The following KHDRBS2 variants were observed in gnomAD, a reference collection of about 807,000 sequenced individuals.
The protein encoded by KHDRBS2 is KH RNA binding domain containing, signal transduction associated 2.
Under a neutral mutation model 44.3 loss-of-function variants are expected in KHDRBS2, and 26 were observed. The observed-to-expected ratio is 0.59, with a 90% confidence interval of 0.43 to 0.81. The LOEUF (loss-of-function observed/expected upper bound fraction) is 0.81, where lower values mean the gene tolerates loss of function less well. KHDRBS2 is among the 40% of genes least tolerant of loss of function. KHDRBS2 has a pLI of 0.00. For synonymous variants in KHDRBS2, 194 were observed against 151.1 expected, an observed-to-expected ratio of 1.28 and a Z score of -2.08; for missense variants, 476 against 433.1, an observed-to-expected ratio of 1.10 and a Z score of -0.88.
intron 6 of KHDRBS2, among the ~76,000 whole-genome samples, chr6:61,847,908 A>AT (rs35517279): frequency 6.6e-6 from 1 of 151,820 alleles, no homozygotes; most frequent in Non-Finnish European, 1.5e-5. Context: ...CTTTAAAATG[A>AT]TTTTTTCTGC....
chr6:62,233,687 T>C (rs915861840), intron 1 of KHDRBS2, among the ~76,000 whole-genome samples: 9 of 152,108 alleles, frequency 5.9e-5, no homozygotes, highest in Non-Finnish European at 1.0e-4. Flanking sequence ...CCCCTCTATG[T>C]GTTCATGTGT....
At chr6:62,072,544 T>G (rs1040585685) in intron 2 of KHDRBS2, among the ~76,000 whole-genome samples, 4 of 152,080 alleles carry the variant, frequency 2.6e-5, no homozygotes, top group African/African-American at 9.7e-5. Context: ...AGAGTTTTTA[T>G]CATGAAGGGT....
intron 6 of KHDRBS2, among the ~76,000 whole-genome samples, chr6:61,752,547 G>GCTT (rs1266926173): frequency 1.3e-5 from 2 of 151,504 alleles, no homozygotes; most frequent in Non-Finnish European, 2.9e-5. Flanking sequence ...CATTCCATTA[G>GCTT]CTTCTTCTAG....
chr6:61,869,757 T>G (rs1171221675), intron 6 of KHDRBS2, among the ~76,000 whole-genome samples: 16 of 152,038 alleles, frequency 1.1e-4, no homozygotes, highest in Non-Finnish European at 2.2e-4. Context: ...CATAAGGGAT[T>G]GGGGAATTCT....
At chr6:62,188,323 G>A (rs1823869147) in intron 1 of KHDRBS2, among the ~76,000 whole-genome samples, 1 of 152,034 alleles carries the variant, frequency 6.6e-6, no homozygotes, top group Non-Finnish European at 1.5e-5. Context: ...CCTTGCTCCA[G>A]CCCCTGGTAA....
intron 1 of KHDRBS2, among the ~76,000 whole-genome samples, chr6:62,205,124 G>A (rs1454190102): frequency 6.6e-6 from 1 of 152,054 alleles, no homozygotes; most frequent in East Asian, 1.9e-4. Context: ...GCCACTGCAT[G>A]GTCAGGAATC....
intron 6 of KHDRBS2, among the ~76,000 whole-genome samples, chr6:61,739,677 AC>A (rs1775875077): frequency 6.6e-6 from 1 of 151,900 alleles, no homozygotes; most frequent in South Asian, 2.1e-4. Context: ...ATAAAACAAA[AC>A]GTCAAGTCCT....
Position 62,238,687 on chromosome 6 carries a change from TACACACAC to T in KHDRBS2, c.91+47163_91+47170del, listed in dbSNP as rs5876788. On this transcript the variant is annotated intron_variant, in intron 1 of 8. Coordinates refer to ENST00000281156, the MANE Select transcript of KHDRBS2 (RefSeq NM_152688.4). ...GGATGAAAGGCTTTTAAGTTTTATA[TACACACAC>T]ACACACACACACACACACACACACA... Among the ~76,000 whole-genome samples, 886 of 142,004 alleles carry T rather than the reference TACACACAC, an allele frequency of 6.2e-3. 8 individuals are homozygous for T. Among genetic ancestry groups the T allele is most frequent in the Middle Eastern group, 0.015 (4 of 268 alleles). The allele number at this position is 142,004 out of a possible 152,430, so 93.2% of individuals were successfully genotyped here. A position where few individuals can be genotyped will look rare whatever the true frequency, so the allele number is the denominator to read the frequency against.
At chr6:61,579,082 A>G in the KHDRBS2 span, among the ~76,000 whole-genome samples, 1 of 152,156 alleles carries the variant, frequency 6.6e-6, no homozygotes, top group Non-Finnish European at 1.5e-5. Flanking sequence ...TAAATGCAGA[A>G]TAAGCACATG....
chr6:61,852,710 G>T (rs1562304069), intron 6 of KHDRBS2, among the ~76,000 whole-genome samples: 1 of 151,982 alleles, frequency 6.6e-6, no homozygotes, highest in South Asian at 2.1e-4. Flanking sequence ...ATTTTTAAGA[G>T]AATTTTGTAA....
chr6:62,023,453 A>C (rs568246084), intron 3 of KHDRBS2, among the ~76,000 whole-genome samples: 1 of 151,634 alleles, frequency 6.6e-6, no homozygotes, highest in African/African-American at 2.4e-5. Context: ...CTCATTTTTC[A>C]TACTAAATTA....
the KHDRBS2 span, among the ~76,000 whole-genome samples, chr6:61,578,795 G>A: frequency 6.6e-6 from 1 of 152,080 alleles, no homozygotes; most frequent in African/African-American, 2.4e-5. Flanking sequence ...TTTACTGAGG[G>A]CAATGAGAAG....
intron 1 of KHDRBS2, among the ~76,000 whole-genome samples, chr6:62,246,737 AT>A (rs560351598): frequency 1.3e-5 from 2 of 151,980 alleles, no homozygotes; most frequent in African/African-American, 4.8e-5. Context: ...ATATTAAGAT[AT>A]TTTTTCCTAA....
At chr6:61,848,514 T>TAC (rs1562294341) in intron 6 of KHDRBS2, among the ~76,000 whole-genome samples, 2 of 51,386 alleles carry the variant, frequency 3.9e-5, no homozygotes, top group African/African-American at 1.8e-4. Context: ...TATATATGTA[T>TAC]ATATGTATAT....
At chr6:62,145,060 CACCCTGATTTTTGTACAGCTTGCA>C (rs980845194) in intron 2 of KHDRBS2, among the ~76,000 whole-genome samples, 2 of 152,002 alleles carry the variant, frequency 1.3e-5, no homozygotes, top group Non-Finnish European at 2.9e-5. Flanking sequence ...CATATTCTAG[CACCCTGATTTTTGTACAGCTTGCA>C]GAGCCATGAG....
intron 2 of KHDRBS2, among the ~76,000 whole-genome samples, chr6:62,098,132 C>A (rs1373586210): frequency 6.6e-6 from 1 of 151,908 alleles, no homozygotes. Flanking sequence ...CAATTTTGTC[C>A]CTTATCTTCA....
intron 6 of KHDRBS2, among the ~76,000 whole-genome samples, chr6:61,853,347 T>C (rs988886475): frequency 5.3e-4 from 81 of 152,192 alleles, no homozygotes; most frequent in African/African-American, 1.8e-3. Context: ...TTTAACAATT[T>C]ATAGCCATTG....
At chr6:61,800,253 C>T (rs1376575011) in intron 6 of KHDRBS2, among the ~76,000 whole-genome samples, 1 of 152,008 alleles carries the variant, frequency 6.6e-6, no homozygotes, top group African/African-American at 2.4e-5. Context: ...TATTCAAATC[C>T]TATATGGATA....
chr6:62,166,376 T>A (rs1233858007), intron 2 of KHDRBS2, among the ~76,000 whole-genome samples: 1 of 152,004 alleles, frequency 6.6e-6, no homozygotes, highest in Non-Finnish European at 1.5e-5. Flanking sequence ...TGTGACATCC[T>A]TGTGAAACCC....
Sources: allele counts gnomAD v4.1 joint callset (sites outside exome capture counted in the v4.1 genomes callset), GRCh38; gene constraint gnomAD v4.1.1; transcripts MANE v1.5; gene names NCBI Gene and HGNC (gene_info 2026-07-23, HGNC 2026-07-21).